The following RSRC1 variants were observed in gnomAD, a reference collection of about 807,000 sequenced individuals.
RSRC1 encodes serine/Arginine-related protein 53.
A neutral mutation model predicts 49.1 loss-of-function variants in RSRC1; 39 were observed. That is an observed-to-expected ratio of 0.79 (90% CI 0.61 to 1.04). The LOEUF (loss-of-function observed/expected upper bound fraction) is 1.04, where lower values mean the gene tolerates loss of function less well. RSRC1 is among the 50% of genes least tolerant of loss of function. The pLI, the probability that RSRC1 is intolerant of heterozygous loss-of-function variation, is 0.00. For synonymous variants in RSRC1, 143 were observed against 130.8 expected (o/e 1.09, Z -0.63); for missense variants, 388 against 402.4 (o/e 0.96, Z 0.31).
At chr3:158,127,966 T>G (rs1255500072) in intron 3 of RSRC1, among the ~76,000 whole-genome samples, 5 of 152,170 alleles carry the variant, frequency 3.3e-5, no homozygotes, top group Admixed American at 2.0e-4. Flanking sequence ...ATTTGAAGCA[T>G]GTACTTCACT....
chr3:158,261,400 A>G (rs1724886570), intron 4 of RSRC1, among the ~76,000 whole-genome samples: 1 of 152,018 alleles, frequency 6.6e-6, no homozygotes, highest in African/African-American at 2.4e-5. Flanking sequence ...TTTTTCACCT[A>G]TATATATATT....
At chr3:158,295,168 C>T (rs116456946) in intron 4 of RSRC1, among the ~76,000 whole-genome samples, 1 of 151,968 alleles carries the variant, frequency 6.6e-6, no homozygotes, top group African/African-American at 2.4e-5. Flanking sequence ...AGAAGGTTTC[C>T]CCAATTGAAG....
intron 5 of RSRC1, among the ~76,000 whole-genome samples, chr3:158,322,607 T>A (rs549269808): frequency 6.6e-6 from 1 of 152,346 alleles, no homozygotes; most frequent in Non-Finnish European, 1.5e-5. Flanking sequence ...TTGGAGTTCA[T>A]TGGTCTTCAG....
intron 3 of RSRC1, among the ~76,000 whole-genome samples, chr3:158,170,669 AT>A (rs1477016345): frequency 6.6e-6 from 1 of 152,168 alleles, no homozygotes; most frequent in Non-Finnish European, 1.5e-5. Flanking sequence ...CAGTTGTAGA[AT>A]TGCACAGTGG....
At chr3:158,223,877 T>G (rs1237235438) in intron 4 of RSRC1, among the ~76,000 whole-genome samples, 8 of 151,728 alleles carry the variant, frequency 5.3e-5, no homozygotes. Flanking sequence ...TCTTTGTATA[T>G]GGTTCTCATT....
intron 1 of RSRC1, among the ~76,000 whole-genome samples, chr3:158,120,161 C>T (rs1168424398): frequency 2.0e-5 from 3 of 152,058 alleles, no homozygotes; most frequent in African/African-American, 7.2e-5. Context: ...TGGAAAGTGT[C>T]GTGGTAATCT....
intron 7 of RSRC1, among the ~76,000 whole-genome samples, chr3:158,497,788 G>A (rs1400604107): frequency 1.3e-5 from 2 of 152,112 alleles, no homozygotes; most frequent in African/African-American, 4.8e-5. Context: ...CCACATATCA[G>A]TGAGAAGATA....
At chr3:158,254,161 A>G (rs1443032609) in intron 4 of RSRC1, among the ~76,000 whole-genome samples, 3 of 152,142 alleles carry the variant, frequency 2.0e-5, no homozygotes, top group African/African-American at 7.2e-5. Flanking sequence ...AATCCAGTCT[A>G]TCATTGATGG....
intron 4 of RSRC1, chr3:158,225,527 G>A (rs1207220666): frequency 3.2e-6 from 1 of 309,910 alleles, no homozygotes; most frequent in Non-Finnish European, 6.3e-6. Context: ...CAGAGCCAGA[G>A]AGTTTGTTTG....
intron 3 of RSRC1, among the ~76,000 whole-genome samples, chr3:158,136,511 G>T (rs1477929269): frequency 6.6e-6 from 1 of 150,548 alleles, no homozygotes; most frequent in African/African-American, 2.5e-5. Context: ...TTGTATGTGA[G>T]TTTTTGTTTA....
chr3:158,532,418 G>A (rs1366303581), intron 7 of RSRC1, among the ~76,000 whole-genome samples: 1 of 151,794 alleles, frequency 6.6e-6, no homozygotes, highest in Non-Finnish European at 1.5e-5. Flanking sequence ...GATTGATATG[G>A]ACCTTGTCAT....
At chr3:158,476,923 G>A (rs1308739641) in intron 7 of RSRC1, among the ~76,000 whole-genome samples, 1 of 152,134 alleles carries the variant, frequency 6.6e-6, no homozygotes, top group African/African-American at 2.4e-5. Flanking sequence ...GTGATTTATA[G>A]GAGATCAGAA....
chr3:158,507,928 C>T (rs1158368697), intron 7 of RSRC1, among the ~76,000 whole-genome samples: 2 of 152,038 alleles, frequency 1.3e-5, no homozygotes, highest in Non-Finnish European at 1.5e-5. Context: ...TTAAAAGTAG[C>T]CCAGCATGGG....
intron 4 of RSRC1, among the ~76,000 whole-genome samples, chr3:158,219,989 T>C (rs1015674508): frequency 4.6e-5 from 7 of 151,720 alleles, no homozygotes; most frequent in African/African-American, 1.7e-4. Context: ...TAATAACTTA[T>C]ACACTAAAGT....
At chr3:158,164,703 T>A (rs1234204337) in intron 3 of RSRC1, among the ~76,000 whole-genome samples, 1 of 152,172 alleles carries the variant, frequency 6.6e-6, no homozygotes, top group Admixed American at 6.6e-5. Flanking sequence ...ATTGAGAAAT[T>A]GTTTTATAGT....
intron 4 of RSRC1, among the ~76,000 whole-genome samples, chr3:158,269,466 C>T (rs940980515): frequency 9.9e-5 from 15 of 151,968 alleles, no homozygotes; most frequent in African/African-American, 2.4e-4. Context: ...ACTCATTTGA[C>T]GATGAAGTTT....
chr3:158,227,869 C>CA (rs562518583), intron 4 of RSRC1, among the ~76,000 whole-genome samples: 1 of 152,000 alleles, frequency 6.6e-6, no homozygotes, highest in Non-Finnish European at 1.5e-5. Context: ...TTGCTGGAAA[C>CA]ATTATTTACA....
chr3:158,367,436 A>C (rs1199831476), intron 6 of RSRC1, among the ~76,000 whole-genome samples: 1 of 152,154 alleles, frequency 6.6e-6, no homozygotes, highest in Non-Finnish European at 1.5e-5. Context: ...GATGGATTAC[A>C]TTTATTGATT....
chr3:158,129,962 G>A (rs947720481), intron 3 of RSRC1, among the ~76,000 whole-genome samples: 7 of 152,116 alleles, frequency 4.6e-5, no homozygotes, highest in African/African-American at 1.4e-4. Flanking sequence ...ATGTTATGTA[G>A]TTTTCATTAT....
Sources: allele counts gnomAD v4.1 joint callset (sites outside exome capture counted in the v4.1 genomes callset), GRCh38; gene constraint gnomAD v4.1.1; transcripts MANE v1.5; gene names NCBI Gene and HGNC (gene_info 2026-07-23, HGNC 2026-07-21).